The following NEDD4L variants were observed in gnomAD, a reference collection of about 807,000 sequenced individuals.
NEDD4L encodes E3 ubiquitin-protein ligase NEDD4-like.
A neutral mutation model predicts 148.9 loss-of-function variants in NEDD4L; 54 were observed. That is an observed-to-expected ratio of 0.36 (90% confidence interval 0.29 to 0.45). The LOEUF (loss-of-function observed/expected upper bound fraction) is 0.45, where lower values mean the gene tolerates loss of function less well. Ranked by LOEUF, NEDD4L falls within the 20% of genes least tolerant of loss-of-function variation. The pLI, the probability that NEDD4L is intolerant of heterozygous loss-of-function variation, is 1.00. For synonymous variants in NEDD4L, 433 were observed against 440.7 expected, an observed-to-expected ratio of 0.98 and a Z score of 0.22; for missense variants, 856 against 1,233.8, an observed-to-expected ratio of 0.69 and a Z score of 4.59.
intron 14 of NEDD4L, 123 bp downstream of exon 14, chr18:58,341,292 CA>C (rs1426783492): frequency 6.3e-6 from 7 of 1,115,908 alleles, no homozygotes; most frequent in Middle Eastern, 2.2e-4. Context: ...AGCTTTCTCA[CA>C]AAGAAAATGC....
At chr18:58,339,358 G>A (rs1477818752) in intron 13 of NEDD4L, among the ~76,000 whole-genome samples, 1 of 152,218 alleles carries the variant, frequency 6.6e-6, no homozygotes, top group Non-Finnish European at 1.5e-5. Flanking sequence ...GTCCATTGAA[G>A]TGCCCGGATC....
intron 1 of NEDD4L, among the ~76,000 whole-genome samples, chr18:58,063,949 CTTTTTTTTTTT>C (rs58608106): frequency 5.9e-4 from 77 of 129,864 alleles, no homozygotes; most frequent in African/African-American, 2.1e-3. Flanking sequence ...TATAATGTTT[CTTTTTTTTTTT>C]TTTTTTTTTT....
chr18:58,286,024 G>T (rs1383180862), intron 5 of NEDD4L, among the ~76,000 whole-genome samples: 1 of 152,148 alleles, frequency 6.6e-6, no homozygotes, highest in Non-Finnish European at 1.5e-5. Flanking sequence ...TTATTTAGAT[G>T]CATTTCAGAA....
intron 3 of NEDD4L, 68 bp downstream of exon 3, chr18:58,245,576 C>A: frequency 1.3e-6 from 1 of 779,574 alleles, no homozygotes; most frequent in Non-Finnish European, 2.1e-6. Context: ...CAGTCATGTG[C>A]TGCTTAACAC....
chr18:58,383,642 G>T (rs186789413), intron 25 of NEDD4L, among the ~76,000 whole-genome samples: 3 of 152,320 alleles, frequency 2.0e-5, no homozygotes, highest in Admixed American at 1.3e-4. Flanking sequence ...GAGAACCACG[G>T]TGTCAGTGAC....
intron 17 of NEDD4L, among the ~76,000 whole-genome samples, chr18:58,350,779 G>T (rs1410853720): frequency 6.6e-6 from 1 of 152,158 alleles, no homozygotes; most frequent in Admixed American, 6.5e-5. Flanking sequence ...TACAGTCAGC[G>T]CATCTGAGAC....
intron 25 of NEDD4L, among the ~76,000 whole-genome samples, chr18:58,383,706 A>G (rs1489254442): frequency 6.6e-6 from 1 of 152,240 alleles, no homozygotes; most frequent in Non-Finnish European, 1.5e-5. Context: ...CTCTCTCCCA[A>G]CTTCTTTTCC....
At chr18:58,142,040 C>CTTTTTTTTTTTTTTTTTTTT (rs552184742) in intron 1 of NEDD4L, among the ~76,000 whole-genome samples, 1 of 41,858 alleles carries the variant, frequency 2.4e-5, no homozygotes, top group Non-Finnish European at 4.6e-5. Flanking sequence ...AAATTTCTTT[C>CTTTTTTTTTTTTTTTTTTTT]TTTTTTTTTT....
chr18:58,357,139 A>C (rs1257244400), intron 18 of NEDD4L, 55 bp from the exon 19 acceptor site: 2 of 1,477,474 alleles, frequency 1.4e-6, no homozygotes. Flanking sequence ...TTCTTTACAT[A>C]GAATAGATTT....
intron 5 of NEDD4L, among the ~76,000 whole-genome samples, chr18:58,275,476 A>G (rs1216836873): frequency 2.0e-5 from 3 of 152,230 alleles, no homozygotes; most frequent in Admixed American, 6.5e-5. Flanking sequence ...CTAGACCAAA[A>G]AAGAAAACTT....
At chr18:58,244,713 T>C (rs919618178) in intron 2 of NEDD4L, among the ~76,000 whole-genome samples, 3 of 152,164 alleles carry the variant, frequency 2.0e-5, no homozygotes, top group Non-Finnish European at 4.4e-5. Flanking sequence ...GGGAGGGTGT[T>C]GAGACAGAGT....
chr18:58,318,791 G>A (rs1001725257), intron 6 of NEDD4L, among the ~76,000 whole-genome samples: 6 of 152,188 alleles, frequency 3.9e-5, no homozygotes, highest in African/African-American at 1.4e-4. Flanking sequence ...CTCTTGACTT[G>A]TCAGCTCTGT....
At chr18:58,045,080 T>C (rs1256086921) in intron 1 of NEDD4L, 2 of 404,114 alleles carry the variant, frequency 4.9e-6, no homozygotes, top group Non-Finnish European at 8.7e-6. Flanking sequence ...AGCCCGGGAG[T>C]CCATGATGCA....
intron 5 of NEDD4L, among the ~76,000 whole-genome samples, chr18:58,279,112 A>G (rs1367957148): frequency 6.6e-6 from 1 of 152,044 alleles, no homozygotes; most frequent in African/African-American, 2.4e-5. Context: ...CCTGGCCTCA[A>G]GTGATCCGCC....
At chr18:58,381,910 G>A (rs2048395786) in intron 24 of NEDD4L, among the ~76,000 whole-genome samples, 1 of 152,180 alleles carries the variant, frequency 6.6e-6, no homozygotes, top group Non-Finnish European at 1.5e-5. Flanking sequence ...TGACCCCTGG[G>A]AGAAAATGGG....
At chr18:58,217,265 A>G (rs2043245782) in intron 2 of NEDD4L, among the ~76,000 whole-genome samples, 1 of 152,178 alleles carries the variant, frequency 6.6e-6, no homozygotes, top group Admixed American at 6.5e-5. Context: ...TGTGTTATGT[A>G]AAGATTTTTG....
chr18:58,167,153 A>G (rs1433970122), intron 2 of NEDD4L, among the ~76,000 whole-genome samples: 1 of 152,210 alleles, frequency 6.6e-6, no homozygotes, highest in Non-Finnish European at 1.5e-5. Context: ...GTCACAAGGA[A>G]CCTTATGCAC....
In NEDD4L at chr18:58,084,171, T is replaced by C. The variant is rs147396092; in HGVS notation, c.48+39463T>C. ...ATTGTGTGATTCCACATATTCCACA[T>C]ATTGTGTGATTATATGGAATGTTTG... On this transcript the variant is annotated intron_variant, in intron 1 of 30. Transcript: ENST00000400345. 9.4e-3 allele frequency among the ~76,000 whole-genome samples: 1,428 copies of C among 152,244 alleles called. 22 individuals carry two copies. The highest frequency in any genetic ancestry group is 0.032 in the African/African-American group (1,344 of 41,556).
At chr18:58,127,041 G>A (rs915095585) in intron 1 of NEDD4L, among the ~76,000 whole-genome samples, 1 of 152,150 alleles carries the variant, frequency 6.6e-6, no homozygotes, top group Non-Finnish European at 1.5e-5. Context: ...ACGGCTGCTC[G>A]CGGCTTGGTC....
Sources: gnomAD v4.1 joint callset for allele counts (sites outside exome capture counted in the v4.1 genomes callset) on GRCh38, gnomAD v4.1.1 for gene constraint, MANE v1.5 for transcripts, NCBI Gene and HGNC (gene_info 2026-07-23, HGNC 2026-07-21) for gene names.